CDH18: variants seen among roughly 807,000 people sequenced by gnomAD.
The protein encoded by CDH18 is cadherin 18.
CDH18 carries 31 observed loss-of-function variants against 67.9 expected under a neutral mutation model. The ratio of observed to expected loss-of-function variants is 0.46; its 90% CI spans 0.34 to 0.62. CDH18 has a LOEUF of 0.62. Ranked by LOEUF, CDH18 falls within the 20% of genes least tolerant of loss-of-function variation. CDH18 has a pLI of 0.01. For missense variants in CDH18, 890 were observed against 975.5 expected, an observed-to-expected ratio of 0.91 and a Z score of 1.17; for synonymous variants, 362 against 347.2, an observed-to-expected ratio of 1.04 and a Z score of -0.48.
intron 6 of CDH18, among the ~76,000 whole-genome samples, chr5:19,594,864 A>G (rs974532443): frequency 1.3e-5 from 2 of 152,300 alleles, no homozygotes; most frequent in South Asian, 4.1e-4. Flanking sequence ...TGCTTTTCCA[A>G]TAAGATCAGG....
intron 11 of CDH18, among the ~76,000 whole-genome samples, chr5:19,489,245 T>C (rs1579750946): frequency 6.8e-6 from 1 of 147,514 alleles, no homozygotes; most frequent in East Asian, 1.9e-4. Context: ...TGTTCTTTTT[T>C]TTTTCTTTTT....
chr5:20,398,987 T>A (rs1745537775), intron 1 of CDH18, among the ~76,000 whole-genome samples: 2 of 151,498 alleles, frequency 1.3e-5, no homozygotes. Flanking sequence ...AAAACCACCA[T>A]GGCACATGTA....
chr5:20,290,309 C>G (rs1747009600), intron 1 of CDH18, among the ~76,000 whole-genome samples: 2 of 152,096 alleles, frequency 1.3e-5, no homozygotes, highest in Admixed American at 1.3e-4. Context: ...CAGCTAGCAT[C>G]AAAACAGGCA....
intron 2 of CDH18, among the ~76,000 whole-genome samples, chr5:20,053,686 A>G (rs1741645961): frequency 1.3e-5 from 2 of 152,110 alleles, no homozygotes; most frequent in African/African-American, 4.8e-5. Flanking sequence ...ACCATCTCTC[A>G]CCTGGATGTC....
intron 2 of CDH18, among the ~76,000 whole-genome samples, chr5:20,179,520 T>C (rs1737514657): frequency 2.0e-5 from 3 of 152,200 alleles, no homozygotes; most frequent in Admixed American, 2.0e-4. Flanking sequence ...AATTGTGTAC[T>C]ACTGTCACCA....
At position 19,947,480 on chromosome 5, in the gene CDH18, C is replaced by T. The variant is rs372968735; in HGVS notation, c.-257+33580G>A. Reference sequence around the variant, plus strand: ...TACAGGCCGAGAGTGGTGGCTTACACCTATAATCTGAAAACTTTGGGAGGC... The same window carrying T: ...TACAGGCCGAGAGTGGTGGCTTACATCTATAATCTGAAAACTTTGGGAGGC... On this transcript the variant is annotated intron_variant, in intron 2 of 12. Coordinates refer to ENST00000382275, the MANE Select transcript of CDH18 (RefSeq NM_004934.5). Among the ~76,000 whole-genome samples the T allele has an allele frequency of 6.1e-4, 90 of 148,630 alleles. No individual in the cohort carries two copies. The South Asian group carries it at 0.016, about 27-fold the overall frequency.
At chr5:19,984,246 T>C (rs948670863) in intron 1 of CDH18, among the ~76,000 whole-genome samples, 4 of 151,558 alleles carry the variant, frequency 2.6e-5, no homozygotes, top group Non-Finnish European at 4.4e-5. Flanking sequence ...TATATATCCA[T>C]ATTAATCTAT....
At chr5:19,579,511 T>C (rs1482339841) in intron 7 of CDH18, among the ~76,000 whole-genome samples, 2 of 151,880 alleles carry the variant, frequency 1.3e-5, no homozygotes, top group Non-Finnish European at 2.9e-5. Flanking sequence ...GATAATATTG[T>C]GTTATCACCA....
At chr5:20,510,299 G>A (rs1284323347) in intron 1 of CDH18, among the ~76,000 whole-genome samples, 3 of 152,050 alleles carry the variant, frequency 2.0e-5, no homozygotes, top group Non-Finnish European at 4.4e-5. Context: ...ATTGACCCTT[G>A]ATCAGAAATA....
chr5:20,511,112 C>G (rs550523197), intron 1 of CDH18, among the ~76,000 whole-genome samples: 1 of 151,366 alleles, frequency 6.6e-6, no homozygotes, highest in Non-Finnish European at 1.5e-5. Flanking sequence ...TTACTCAACA[C>G]CCAGGAAAAA....
Position 20,350,059 on chromosome 5 carries a change from G to A in CDH18, c.-579-94554C>T, listed in dbSNP as rs572447016. On this transcript the variant is annotated intron_variant, in intron 1 of 14. Coordinates refer to the CDH18 transcript ENST00000507958. ...GGCTCAAAAAATATTTTGAGTTCTC[G>A]TGTAATATTTTTATGTTTAGATAAG... Among the ~76,000 whole-genome samples the A allele has an allele frequency of 2.6e-4, 39 of 152,176 alleles. No individual in the cohort carries two copies. In the East Asian group the frequency reaches 6.0e-3, roughly 23 times the overall value.
At chr5:19,881,783 G>A (rs1037893991) in intron 2 of CDH18, among the ~76,000 whole-genome samples, 28 of 152,078 alleles carry the variant, frequency 1.8e-4, no homozygotes, top group African/African-American at 5.1e-4. Flanking sequence ...TGGGGTTACA[G>A]GCATGAGCCA....
intron 2 of CDH18, among the ~76,000 whole-genome samples, chr5:20,214,761 G>A (rs1032635233): frequency 3.9e-5 from 6 of 151,944 alleles, no homozygotes; most frequent in African/African-American, 1.4e-4. Context: ...TAGGCAATAT[G>A]ATTCTGTAAG....
In CDH18 at chr5:19,520,739, C is replaced by A; in HGVS notation, c.1430G>T (p.Arg477Ile). The change falls in exon 10 of 13, where the codon AGA becomes ATA. Residue 477 changes from arginine (R) to isoleucine (I), a missense_variant. By Grantham distance (97) the Arg-to-Ile change is moderately conservative (BLOSUM62 -3). Around this residue, in one of 2 missense-constraint regions of CDH18, gnomAD observed 656 missense variants for 668.1 expected, o/e 0.98. Coordinates refer to ENST00000382275, the MANE Select transcript of CDH18 (RefSeq NM_004934.5). ...DLLSHVTVGIRVLDVNDNPPE... is the reference protein window; with the variant it reads ...DLLSHVTVGIIVLDVNDNPPE... Reference sequence around the variant, plus strand: ...TGGATTGTCATTGACATCCAGAACTCTAATACCCACTGTGACATGGCTCAG... The same window carrying A: ...TGGATTGTCATTGACATCCAGAACTATAATACCCACTGTGACATGGCTCAG... 6.2e-7 allele frequency: 1 copy of A among 1,613,182 alleles called. No homozygotes were observed. The highest frequency in any genetic ancestry group is 1.1e-5 in the South Asian group (1 of 91,010).
chr5:20,232,328 T>C (rs1742142639), intron 2 of CDH18, among the ~76,000 whole-genome samples: 1 of 152,164 alleles, frequency 6.6e-6, no homozygotes, highest in Non-Finnish European at 1.5e-5. Flanking sequence ...GGCAATGGGT[T>C]CTTGAAGAGA....
intron 11 of CDH18, among the ~76,000 whole-genome samples, chr5:19,483,827 T>A (rs1410653815): frequency 6.6e-6 from 1 of 152,210 alleles, no homozygotes; most frequent in Non-Finnish European, 1.5e-5. Context: ...GACATGGACC[T>A]AATAGCTATA....
At chr5:19,475,547 C>G (rs936014329) in intron 12 of CDH18, among the ~76,000 whole-genome samples, 1 of 151,860 alleles carries the variant, frequency 6.6e-6, no homozygotes, top group Admixed American at 6.6e-5. Flanking sequence ...CACACACACA[C>G]ACACACATAC....
At chr5:20,252,634 A>G (rs1408884088) in intron 2 of CDH18, among the ~76,000 whole-genome samples, 4 of 152,142 alleles carry the variant, frequency 2.6e-5, no homozygotes, top group South Asian at 2.1e-4. Context: ...CCTATGTCTT[A>G]TGACATTTAA....
intron 2 of CDH18, among the ~76,000 whole-genome samples, chr5:19,866,692 C>T (rs535689445): frequency 1.3e-5 from 2 of 152,246 alleles, no homozygotes; most frequent in East Asian, 1.9e-4. Flanking sequence ...ATCAACCTGG[C>T]ACAATGATTA....
Sources: gnomAD v4.1 joint callset for allele counts (sites outside exome capture counted in the v4.1 genomes callset) on GRCh38, gnomAD v4.1.1 for gene constraint, gnomAD v4.1.1 regional missense constraint, MANE v1.5 for transcripts, NCBI Gene and HGNC (gene_info 2026-07-23, HGNC 2026-07-21) for gene names.